PABPC4L: variants seen among roughly 807,000 people sequenced by gnomAD.
PABPC4L encodes polyadenylate-binding protein 4-like.
For synonymous variants in PABPC4L, 169 were observed against 164.1 expected (o/e 1.03, Z -0.23); for missense variants, 452 against 451.4 (o/e 1.00, Z -0.01).
the PABPC4L span, among the ~76,000 whole-genome samples, chr4:134,174,266 G>T: frequency 6.6e-6 from 1 of 151,522 alleles, no homozygotes; most frequent in African/African-American, 2.4e-5. Context: ...AAGGAATTGC[G>T]CTGGGCTGTT....
Position 134,197,554 on chromosome 4 carries a change from G to A in PABPC4L, c.*2353C>T, listed in dbSNP as rs1729701843. ...ACTATAAAGACAGTGAAATATCAGG[G>A]GGAAAAGTCTAAAATGTAGTCATAA... On this transcript the variant is annotated 3_prime_UTR_variant, in exon 2 of 2. Transcript: ENST00000421491. The A allele has an allele frequency of 6.6e-6, 1 of 151,434 alleles. No homozygotes were observed. The highest frequency in any genetic ancestry group is 2.1e-4 in the South Asian group (1 of 4,824). The allele number at this position is 151,434 out of a possible 1,614,324, so 9.4% of individuals were successfully genotyped here. A position where few individuals can be genotyped will look rare whatever the true frequency, so the allele number is the denominator to read the frequency against.
At chr4:134,028,578 C>A in the PABPC4L span, among the ~76,000 whole-genome samples, 1 of 151,928 alleles carries the variant, frequency 6.6e-6, no homozygotes, top group East Asian at 1.9e-4. Flanking sequence ...CACTATGTAC[C>A]TTTTCTTCAG....
the PABPC4L span, among the ~76,000 whole-genome samples, chr4:134,027,596 G>C: frequency 6.6e-6 from 1 of 152,066 alleles, no homozygotes; most frequent in African/African-American, 2.4e-5. Flanking sequence ...TAAATACCCA[G>C]AAATAATATT....
the PABPC4L span, among the ~76,000 whole-genome samples, chr4:134,066,575 A>G: frequency 6.6e-6 from 1 of 152,032 alleles, no homozygotes; most frequent in Non-Finnish European, 1.5e-5. Flanking sequence ...TTCCAGTTAT[A>G]TGTTGAATAG....
the PABPC4L span, among the ~76,000 whole-genome samples, chr4:134,123,919 G>A: frequency 1.3e-5 from 2 of 151,936 alleles, no homozygotes; most frequent in Admixed American, 6.6e-5. Context: ...ACTGGTTATT[G>A]CATTGAGGGA....
At position 134,196,346 on chromosome 4, in the gene PABPC4L, A is replaced by G. The variant is rs1729655583; in HGVS notation, c.*3561T>C. ...TTTCAAACATGCTTTCACCTTTGAAATATTAGATTTTATTTGACATTTTCT... is the reference window on the plus strand; with the variant it reads ...TTTCAAACATGCTTTCACCTTTGAAGTATTAGATTTTATTTGACATTTTCT... On this transcript the variant is annotated 3_prime_UTR_variant, in exon 2 of 2. Transcript: ENST00000421491. 6.6e-6 allele frequency: 1 copy of G among 151,770 alleles called. No individual in the cohort carries two copies. Among genetic ancestry groups the G allele is most frequent in the South Asian group, 2.1e-4 (1 of 4,830 alleles). The allele number at this position is 151,770 out of a possible 1,614,324, so 9.4% of individuals were successfully genotyped here. A position where few individuals can be genotyped will look rare whatever the true frequency, so the allele number is the denominator to read the frequency against.
chr4:134,045,324 C>T, the PABPC4L span, among the ~76,000 whole-genome samples: 1 of 152,100 alleles, frequency 6.6e-6, no homozygotes, highest in Non-Finnish European at 1.5e-5. Flanking sequence ...CATTTTTCTC[C>T]TCTTCAAAGT....
the PABPC4L span, among the ~76,000 whole-genome samples, chr4:133,952,412 A>G: frequency 6.6e-6 from 1 of 152,134 alleles, no homozygotes; most frequent in Admixed American, 6.5e-5. Flanking sequence ...CAGGCACCAC[A>G]GGATGGTGAG....
the PABPC4L span, among the ~76,000 whole-genome samples, chr4:134,133,860 T>G: frequency 6.6e-6 from 1 of 152,054 alleles, no homozygotes; most frequent in African/African-American, 2.4e-5. Flanking sequence ...TGACTGGGAC[T>G]AGGTCATTGA....
At chr4:134,022,140 C>T in the PABPC4L span, among the ~76,000 whole-genome samples, 10 of 152,202 alleles carry the variant, frequency 6.6e-5, no homozygotes, top group South Asian at 2.1e-4. Context: ...GCTGCTAACC[C>T]GGCTTCCTTA....
chr4:134,056,837 G>A, the PABPC4L span, among the ~76,000 whole-genome samples: 64 of 152,014 alleles, frequency 4.2e-4, no homozygotes, highest in East Asian at 9.7e-3. Context: ...AATAAGGACA[G>A]TTTTGTTTCT....
chr4:134,184,468 G>T, the PABPC4L span, among the ~76,000 whole-genome samples: 1 of 152,136 alleles, frequency 6.6e-6, no homozygotes, highest in East Asian at 1.9e-4. Flanking sequence ...ACCTTTTCCA[G>T]AATGTCATAT....
the PABPC4L span, among the ~76,000 whole-genome samples, chr4:134,032,644 A>T: frequency 4.6e-5 from 7 of 151,890 alleles, no homozygotes; most frequent in African/African-American, 1.4e-4. Flanking sequence ...GAAAAAGAAG[A>T]TAAGGCCTGG....
the PABPC4L span, among the ~76,000 whole-genome samples, chr4:134,108,296 G>A: frequency 6.6e-6 from 1 of 151,696 alleles, no homozygotes; most frequent in Non-Finnish European, 1.5e-5. Flanking sequence ...ATTTAGACTA[G>A]TGTTACTTCT....
the PABPC4L span, among the ~76,000 whole-genome samples, chr4:134,018,831 T>C: frequency 6.6e-6 from 1 of 152,126 alleles, no homozygotes; most frequent in Non-Finnish European, 1.5e-5. Context: ...TGAATGAAAC[T>C]ACAGATGGCT....
the PABPC4L span, among the ~76,000 whole-genome samples, chr4:133,958,809 C>G: frequency 6.6e-6 from 1 of 152,156 alleles, no homozygotes; most frequent in South Asian, 2.1e-4. Context: ...CCCTAAGATT[C>G]AATTACCTCC....
chr4:134,160,231 C>A, the PABPC4L span, among the ~76,000 whole-genome samples: 3 of 152,072 alleles, frequency 2.0e-5, no homozygotes, highest in African/African-American at 7.2e-5. Flanking sequence ...TGAAGATGCT[C>A]ATATTACCCC....
At chr4:133,988,075 C>G in the PABPC4L span, among the ~76,000 whole-genome samples, 4 of 152,148 alleles carry the variant, frequency 2.6e-5, no homozygotes, top group South Asian at 8.3e-4. Context: ...AGGTAACTAC[C>G]TCCATGATTC....
the PABPC4L span, among the ~76,000 whole-genome samples, chr4:134,180,885 T>C: frequency 6.6e-6 from 1 of 151,792 alleles, no homozygotes; most frequent in African/African-American, 2.4e-5. Flanking sequence ...GGATCAGTAA[T>C]AAAATGCCTA....
Sources: gnomAD v4.1 joint callset for allele counts (sites outside exome capture counted in the v4.1 genomes callset) on GRCh38, gnomAD v4.1.1 for gene constraint, MANE v1.5 for transcripts, NCBI Gene and HGNC (gene_info 2026-07-23, HGNC 2026-07-21) for gene names.